The following ATP8B4 variants were observed in gnomAD, a reference collection of about 807,000 sequenced individuals.
ATP8B4 encodes the protein probable phospholipid-transporting ATPase IM.
ATP8B4 carries 133 observed loss-of-function variants against 145.6 expected under a neutral mutation model. That is an observed-to-expected ratio of 0.91 (90% CI 0.79 to 1.05). The LOEUF is 1.05. Among genes scored for constraint, ATP8B4 ranks in the 50% least tolerant of loss-of-function variants. The pLI, the probability that ATP8B4 is intolerant of heterozygous loss-of-function variation, is 0.00. For synonymous variants in ATP8B4, 507 were observed against 492.9 expected (o/e 1.03, Z -0.38); for missense variants, 1,458 against 1,425.2 (o/e 1.02, Z -0.37).
At position 50,172,635 on chromosome 15, in the gene ATP8B4, G is replaced by C. The variant is rs567687668; in HGVS notation, c.-43+9626C>G. ...TGGGATGTGAGGAGCCCCTCTGCCCGGCCACCCAGTCTGGGAAGTGAGGAG... is the reference window on the plus strand; with the variant it reads ...TGGGATGTGAGGAGCCCCTCTGCCCCGCCACCCAGTCTGGGAAGTGAGGAG... On this transcript the variant is annotated intron_variant, in intron 1 of 3. Coordinates refer to the ATP8B4 transcript ENST00000558829. 3.9e-4 allele frequency among the ~76,000 whole-genome samples: 58 copies of C among 150,408 alleles called. 1 individual carries two copies. The highest frequency in any genetic ancestry group is 1.4e-3 in the African/African-American group (58 of 40,736).
chr15:49,991,556 T>G (rs2047048383), intron 9 of ATP8B4, among the ~76,000 whole-genome samples: 1 of 152,194 alleles, frequency 6.6e-6, no homozygotes. Context: ...CAAGGCCCAA[T>G]CTCTTTTTAT....
chr15:49,876,658 C>T lies in ATP8B4; in HGVS notation c.2782-135G>A, dbSNP rs191507209. 121 of 1,208,918 alleles carry T rather than the reference C, an allele frequency of 1.0e-4. 2 individuals are homozygous for T. In the East Asian group the frequency reaches 1.9e-3, roughly 19 times the overall value. 74.9% of individuals were successfully genotyped at this position (1,208,918 alleles called of 1,614,324 possible). ...CACTACTCACTGGGCCAGAACAGGA[C>T]ATTATCTTGTTTGTATTCCCACAAT... On this transcript the variant is annotated intron_variant, in intron 24 of 27. Transcript: ENST00000284509.
intron 3 of ATP8B4, among the ~76,000 whole-genome samples, chr15:50,060,037 T>C (rs2052894441): frequency 6.6e-6 from 1 of 152,142 alleles, no homozygotes; most frequent in Admixed American, 6.6e-5. Context: ...GAGTTGCCTA[T>C]ACCCTCAGTA....
chr15:49,936,521 G>A (rs1416191889), intron 14 of ATP8B4, among the ~76,000 whole-genome samples: 3 of 152,090 alleles, frequency 2.0e-5, no homozygotes, highest in Admixed American at 6.6e-5. Context: ...TCTGATGTTA[G>A]TCTGACTTTC....
intron 2 of ATP8B4, among the ~76,000 whole-genome samples, chr15:50,082,299 C>T (rs1284770030): frequency 6.6e-6 from 1 of 152,102 alleles, no homozygotes; most frequent in East Asian, 1.9e-4. Flanking sequence ...GTTGGGGTTT[C>T]CTATTGAAAC....
At position 50,150,894 on chromosome 15, in the gene ATP8B4, A is replaced by G. The variant is rs2044338837; in HGVS notation, c.-43+31367T>C. ...ATAAATCAAATGACCATTATCCTGT[A>G]AAGTGAAAATGGTTGGCATTAACAG... is the stretch of plus-strand genomic sequence containing the variant. On this transcript the variant is annotated intron_variant, in intron 1 of 3. Transcript: ENST00000558829. Among the ~76,000 whole-genome samples the G allele has an allele frequency of 3.9e-5, 6 of 152,346 alleles. No individual in the cohort carries two copies. The South Asian group carries it at 1.2e-3, about 32-fold the overall frequency.
At chr15:49,916,654 C>T (rs1205265089) in intron 20 of ATP8B4, among the ~76,000 whole-genome samples, 1 of 152,100 alleles carries the variant, frequency 6.6e-6, no homozygotes, top group Non-Finnish European at 1.5e-5. Flanking sequence ...AACCAAAGCA[C>T]AATTTTAAAG....
At chr15:49,904,165 T>C (rs921402550) in intron 20 of ATP8B4, among the ~76,000 whole-genome samples, 3 of 152,142 alleles carry the variant, frequency 2.0e-5, no homozygotes, top group Admixed American at 1.3e-4. Context: ...GGTTTACACA[T>C]AGAGTCAGCC....
intron 6 of ATP8B4, among the ~76,000 whole-genome samples, chr15:50,023,182 C>T (rs1385361180): frequency 6.6e-6 from 1 of 152,122 alleles, no homozygotes; most frequent in Non-Finnish European, 1.5e-5. Context: ...GGTTTCAAGA[C>T]CTTATGGTCT....
intron 1 of ATP8B4, among the ~76,000 whole-genome samples, chr15:50,149,738 C>T (rs2044323214): frequency 6.6e-6 from 1 of 152,086 alleles, no homozygotes; most frequent in Non-Finnish European, 1.5e-5. Context: ...AAAGCACATG[C>T]CATAGTAAAC....
At chr15:50,060,325 A>C (rs943085126) in intron 3 of ATP8B4, among the ~76,000 whole-genome samples, 2 of 152,202 alleles carry the variant, frequency 1.3e-5, no homozygotes, top group East Asian at 3.8e-4. Context: ...AACTTCTTGA[A>C]GACATTTTTC....
rs754196162 is a variant in ATP8B4, at chr15:49,972,783, C to T, written c.1042G>A (p.Val348Ile). 1.6e-5 allele frequency: 26 copies of T among 1,613,284 alleles called. No individual in the cohort carries two copies. The highest frequency in any genetic ancestry group is 1.6e-4 in the Middle Eastern group (1 of 6,074). Residue 348 changes from valine to isoleucine, a missense_variant, in exon 13 of 28, where the codon GTA (valine) becomes ATA (isoleucine). Coordinates refer to ENST00000284509, the MANE Select transcript of ATP8B4 (RefSeq NM_024837.4). ...VPISLYVSVEVIRLGHSYFIN... is the reference protein window; with the variant it reads ...VPISLYVSVEIIRLGHSYFIN... The stretch of plus-strand genomic sequence containing the variant: ...AAATAACTGTGTCCTAGACGAATTA[C>T]TTCCACACTATCATCCATTAAAATG...
chr15:50,133,080 G>A (rs1166664325), intron 1 of ATP8B4, among the ~76,000 whole-genome samples: 1 of 152,066 alleles, frequency 6.6e-6, no homozygotes, highest in African/African-American at 2.4e-5. Context: ...TGCACATTCT[G>A]CACATGTATT....
At chr15:50,001,799 G>A (rs941488630) in intron 8 of ATP8B4, among the ~76,000 whole-genome samples, 2 of 151,968 alleles carry the variant, frequency 1.3e-5, no homozygotes, top group African/African-American at 2.4e-5. Context: ...AGTAACATCA[G>A]TCCTTCCTTC....
intron 3 of ATP8B4, among the ~76,000 whole-genome samples, chr15:50,066,731 C>T (rs1307725685): frequency 6.6e-6 from 1 of 152,124 alleles, no homozygotes; most frequent in African/African-American, 2.4e-5. Flanking sequence ...TGTTTCTCTT[C>T]TCTTTATTGC....
chr15:49,904,220 A>T (rs2038363532), intron 20 of ATP8B4, among the ~76,000 whole-genome samples: 1 of 152,210 alleles, frequency 6.6e-6, no homozygotes, highest in Non-Finnish European at 1.5e-5. Flanking sequence ...CTGGAGGGAC[A>T]GTTTTAAGGG....
In ATP8B4 at chr15:49,859,934, T is replaced by TA. The variant is rs56272247; in HGVS notation, c.*259dup. 13,837 of 358,132 alleles carry TA rather than the reference T, an allele frequency of 0.039. 126 individuals are homozygous for TA. Among genetic ancestry groups the TA allele is most frequent in the African/African-American group, 0.062 (2,863 of 46,534 alleles). 22.2% of individuals were successfully genotyped at this position (358,132 alleles called of 1,614,324 possible). On this transcript the variant is annotated 3_prime_UTR_variant, in exon 28 of 28. Coordinates refer to ENST00000284509, the MANE Select transcript of ATP8B4 (RefSeq NM_024837.4). The stretch of plus-strand genomic sequence containing the variant: ...AGGTCAATTGGTATCTAGGTTGATT[T>TA]AAAAAAAAAAAAAATCTGTACTTGT...
chr15:49,881,518 A>G (rs2035412497), intron 23 of ATP8B4, among the ~76,000 whole-genome samples: 1 of 152,182 alleles, frequency 6.6e-6, no homozygotes, highest in Non-Finnish European at 1.5e-5. Context: ...GCAAAGTGAT[A>G]CAAGACAGCT....
chr15:49,984,337 A>G (rs900952705), intron 10 of ATP8B4, among the ~76,000 whole-genome samples: 4 of 152,234 alleles, frequency 2.6e-5, no homozygotes, highest in Non-Finnish European at 5.9e-5. Context: ...GGATCCTAAA[A>G]GGAAATAGAT....
Sources: gnomAD v4.1 joint callset for allele counts (sites outside exome capture counted in the v4.1 genomes callset) on GRCh38, gnomAD v4.1.1 for gene constraint, MANE v1.5 for transcripts, NCBI Gene and HGNC (gene_info 2026-07-23, HGNC 2026-07-21) for gene names.